Variants in TMEFF2 observed in about 807,000 individuals in gnomAD.
TMEFF2 encodes the protein tomoregulin-2.
TMEFF2 carries 28 observed loss-of-function variants against 53.8 expected under a neutral mutation model. That is an observed-to-expected ratio of 0.52 (90% confidence interval 0.39 to 0.71). TMEFF2 has a LOEUF of 0.71. Among genes scored for constraint, TMEFF2 ranks in the 30% least tolerant of loss-of-function variants. The pLI, the probability that TMEFF2 is intolerant of heterozygous loss-of-function variation, is 0.00. For missense variants in TMEFF2, 353 were observed against 455.2 expected (o/e 0.78, Z 2.04); for synonymous variants, 162 against 166.3 (o/e 0.97, Z 0.20).
At chr2:192,004,704 G>T (rs1686457044) in intron 5 of TMEFF2, among the ~76,000 whole-genome samples, 1 of 152,164 alleles carries the variant, frequency 6.6e-6, no homozygotes, top group Admixed American at 6.5e-5. Context: ...TGAAACTGCA[G>T]GTCACTTTAC....
intron 5 of TMEFF2, among the ~76,000 whole-genome samples, chr2:192,033,113 C>T (rs981830573): frequency 6.6e-6 from 1 of 152,128 alleles, no homozygotes; most frequent in African/African-American, 2.4e-5. Context: ...ACATGCATGG[C>T]CTATTTAAGT....
intron 4 of TMEFF2, among the ~76,000 whole-genome samples, chr2:192,162,018 A>G (rs1690646029): frequency 6.6e-6 from 1 of 152,194 alleles, no homozygotes; most frequent in Non-Finnish European, 1.5e-5. Flanking sequence ...AACAACCTTG[A>G]AGAAGAAAAA....
intron 4 of TMEFF2, among the ~76,000 whole-genome samples, chr2:192,141,501 G>A (rs2105990273): frequency 6.8e-6 from 1 of 147,542 alleles, no homozygotes; most frequent in Non-Finnish European, 1.5e-5. Context: ...GTATTTCATA[G>A]AGCTAGGTCT....
intron 5 of TMEFF2, among the ~76,000 whole-genome samples, chr2:192,008,684 A>T (rs1226308975): frequency 2.0e-5 from 3 of 152,192 alleles, no homozygotes; most frequent in Non-Finnish European, 2.9e-5. Flanking sequence ...AAAGTTACTT[A>T]AAAAAATCAC....
chr2:192,109,661 G>T (rs1689230872), intron 4 of TMEFF2, among the ~76,000 whole-genome samples: 2 of 152,036 alleles, frequency 1.3e-5, no homozygotes, highest in South Asian at 4.1e-4. Context: ...AGAGGAAGGG[G>T]CAAATATTGA....
At chr2:192,154,549 T>C (rs531839629) in intron 4 of TMEFF2, among the ~76,000 whole-genome samples, 1 of 152,134 alleles carries the variant, frequency 6.6e-6, no homozygotes, top group Non-Finnish European at 1.5e-5. Flanking sequence ...GACAGAACTT[T>C]GTATCAACCT....
chr2:192,023,069 A>G (rs997700867), intron 5 of TMEFF2, among the ~76,000 whole-genome samples: 1 of 152,092 alleles, frequency 6.6e-6, no homozygotes, highest in African/African-American at 2.4e-5. Context: ...TAGTTTGCCA[A>G]TATGCAAGTT....
chr2:192,064,225 A>G (rs1258991122), intron 4 of TMEFF2, among the ~76,000 whole-genome samples: 1 of 151,764 alleles, frequency 6.6e-6, no homozygotes, highest in Non-Finnish European at 1.5e-5. Context: ...TGCTTTAAGG[A>G]TTACAATATG....
intron 4 of TMEFF2, among the ~76,000 whole-genome samples, chr2:192,106,739 C>T (rs1359082051): frequency 6.6e-6 from 1 of 151,744 alleles, no homozygotes; most frequent in Non-Finnish European, 1.5e-5. Context: ...TCCTAGTCCC[C>T]ATGGAGCTCA....
At chr2:192,169,069 T>C (rs1265244088) in intron 4 of TMEFF2, among the ~76,000 whole-genome samples, 4 of 152,060 alleles carry the variant, frequency 2.6e-5, no homozygotes, top group Non-Finnish European at 5.9e-5. Flanking sequence ...GCTGAGCAAA[T>C]ATTTAACAAA....
At chr2:192,188,745 G>A (rs1574447889) in intron 2 of TMEFF2, among the ~76,000 whole-genome samples, 2 of 151,854 alleles carry the variant, frequency 1.3e-5, no homozygotes, top group African/African-American at 4.8e-5. Context: ...GCATGACCAG[G>A]GTTATCTATA....
intron 4 of TMEFF2, among the ~76,000 whole-genome samples, chr2:192,137,236 T>A (rs943765957): frequency 1.3e-5 from 2 of 152,038 alleles, no homozygotes; most frequent in African/African-American, 2.4e-5. Context: ...AAAGGATTCG[T>A]GAGGGTGGGG....
intron 5 of TMEFF2, among the ~76,000 whole-genome samples, chr2:192,004,785 A>G (rs753446284): frequency 6.6e-6 from 1 of 152,178 alleles, no homozygotes; most frequent in African/African-American, 2.4e-5. Context: ...GAAAACAGAA[A>G]CTATCCCTTC....
chr2:192,137,220 C>T (rs1690031988), intron 4 of TMEFF2, among the ~76,000 whole-genome samples: 1 of 152,026 alleles, frequency 6.6e-6, no homozygotes, highest in African/African-American at 2.4e-5. Flanking sequence ...AACTAAGTTA[C>T]ATTAAAAAGG....
intron 4 of TMEFF2, among the ~76,000 whole-genome samples, chr2:192,127,205 A>G (rs888923917): frequency 5.3e-5 from 8 of 152,324 alleles, no homozygotes; most frequent in Admixed American, 6.5e-5. Context: ...AAAAGATTCA[A>G]TGATTCTCTG....
intron 7 of TMEFF2, among the ~76,000 whole-genome samples, chr2:191,991,643 A>C (rs1005203996): frequency 2.0e-5 from 3 of 152,120 alleles, no homozygotes; most frequent in African/African-American, 7.2e-5. Flanking sequence ...TACAACCGCT[A>C]AACCAGCTGC....
chr2:192,069,929 TAATC>T (rs917628976), intron 4 of TMEFF2, among the ~76,000 whole-genome samples: 7 of 143,994 alleles, frequency 4.9e-5, no homozygotes, highest in Non-Finnish European at 1.1e-4. Flanking sequence ...AATTGGAAAT[TAATC>T]AATTTCCCTG....
intron 4 of TMEFF2, among the ~76,000 whole-genome samples, chr2:192,151,139 G>GTA (rs1690377834): frequency 6.6e-6 from 1 of 151,770 alleles, no homozygotes. Context: ...CTGCTACCAT[G>GTA]TAAGACATGC....
At chr2:192,143,335 C>A (rs978427831) in intron 4 of TMEFF2, among the ~76,000 whole-genome samples, 1 of 152,184 alleles carries the variant, frequency 6.6e-6, no homozygotes, top group African/African-American at 2.4e-5. Context: ...CTCAGCACTA[C>A]AGCAAATTTG....
Sources: allele counts gnomAD v4.1 joint callset (sites outside exome capture counted in the v4.1 genomes callset), GRCh38; gene constraint gnomAD v4.1.1; transcripts MANE v1.5; gene names NCBI Gene and HGNC (gene_info 2026-07-23, HGNC 2026-07-21).